The following NOD1 variants were observed in gnomAD, a reference collection of about 807,000 sequenced individuals.
NOD1 encodes nucleotide binding oligomerization domain containing 1.
In NOD1, 70 loss-of-function variants were observed where a neutral mutation model predicts 81.2. The observed-to-expected ratio is 0.86, with a 90% CI of 0.71 to 1.05. NOD1 has a LOEUF of 1.05. NOD1 is among the 50% of genes least tolerant of loss of function. The pLI is 0.00. For synonymous variants in NOD1, 508 were observed against 526.9 expected (o/e 0.96, Z 0.49); for missense variants, 1,233 against 1,228.0 (o/e 1.00, Z -0.06).
intron 3 of NOD1, among the ~76,000 whole-genome samples, chr7:30,458,740 CT>C (rs11430536): frequency 2.0e-3 from 282 of 139,676 alleles, no homozygotes; most frequent in Admixed American, 2.3e-3. Context: ...CCAGCCTTTT[CT>C]TTTTTTTTTT....
At chr7:30,429,711 G>A (rs546982583) in intron 12 of NOD1, among the ~76,000 whole-genome samples, 7 of 152,292 alleles carry the variant, frequency 4.6e-5, no homozygotes, top group Admixed American at 2.0e-4. Context: ...GTGTGTGTTT[G>A]CATTTTTCAC....
intron 1 of NOD1, among the ~76,000 whole-genome samples, chr7:30,462,990 A>G (rs1787288275): frequency 6.6e-6 from 1 of 151,526 alleles, no homozygotes; most frequent in African/African-American, 2.4e-5. Flanking sequence ...GATTCTGAAA[A>G]TCTGATCTAG....
chr7:30,429,466 A>C lies in NOD1; in HGVS notation c.2706-9T>G. 9 of 1,612,438 alleles carry C rather than the reference A, an allele frequency of 5.6e-6. No individual in the cohort carries two copies. Among genetic ancestry groups the C allele is most frequent in the Non-Finnish European group, 7.6e-6 (9 of 1,178,446 alleles). The stretch of plus-strand genomic sequence containing the variant: ...TCTGATTCTGGATAAGCCTGAAAGA[A>C]GAACATAACTTGTATAAAATCCATA... On this transcript the variant is annotated splice_polypyrimidine_tract_variant and intron_variant, in intron 12 of 13. Coordinates refer to ENST00000222823, the MANE Select transcript of NOD1 (RefSeq NM_006092.4).
At chr7:30,428,073 TC>T (rs1761584844) in intron 13 of NOD1, among the ~76,000 whole-genome samples, 1 of 152,166 alleles carries the variant, frequency 6.6e-6, no homozygotes, top group Non-Finnish European at 1.5e-5. Flanking sequence ...ATGGTGTTTT[TC>T]TTTTTTTCTT....
At position 30,451,879 on chromosome 7, in the gene NOD1, T is replaced by A. The variant is rs761405737; in HGVS notation, c.1538A>T (p.Tyr513Phe). 7.4e-6 allele frequency: 12 copies of A among 1,613,592 alleles called. No individual in the cohort carries two copies. Among genetic ancestry groups the A allele is most frequent in the Non-Finnish European group, 1.0e-5 (12 of 1,179,984 alleles). Residue 513 changes from tyrosine to phenylalanine, a missense_variant, in exon 6 of 14, where the codon TAT becomes TTT. Coordinates refer to ENST00000222823, the MANE Select transcript of NOD1 (RefSeq NM_006092.4). The surrounding 1 kb of genome is among the most constrained non-coding windows in gnomAD (Gnocchi z 4.2). ...ELGPGGDQQS[Y>F]EFFHLTLQAF... The stretch of plus-strand genomic sequence containing the variant: ...CTGGAGGGTGAGGTGGAAAAACTCA[T>A]AGGACTGCTGGTCACCCCCGGGGCC...
In NOD1 at chr7:30,455,278, C is replaced by G; in HGVS notation, c.235G>C (p.Gly79Arg). The G allele has an allele frequency of 1.9e-6, 3 of 1,614,122 alleles. No individual in the cohort carries two copies. Among genetic ancestry groups the G allele is most frequent in the Non-Finnish European group, 2.5e-6 (3 of 1,180,024 alleles). ...RKILDLVQSK[G>R]EEVSEFFLYL... Reference sequence around the variant, plus strand: ...AGGAAGAACTCGGACACCTCCTCGCCCTTGCTCTGTACCAGGTCCAGAATT... The same window carrying G: ...AGGAAGAACTCGGACACCTCCTCGCGCTTGCTCTGTACCAGGTCCAGAATT... The change falls in exon 5 of 14, where the codon GGC becomes CGC. Residue 79 changes from glycine (G) to arginine (R), a missense_variant. Coordinates refer to ENST00000222823, the MANE Select transcript of NOD1 (RefSeq NM_006092.4).
chr7:30,459,446 A>T (rs1031932731), intron 2 of NOD1, among the ~76,000 whole-genome samples: 8 of 152,186 alleles, frequency 5.3e-5, no homozygotes, highest in African/African-American at 1.7e-4. Flanking sequence ...ATTGAGTCAC[A>T]CCTGTCCTTT....
intron 1 of NOD1, chr7:30,460,335 T>C (rs1050073469): frequency 1.0e-6 from 1 of 985,272 alleles, no homozygotes; most frequent in Non-Finnish European, 1.2e-6. Flanking sequence ...TGGGGGGCAA[T>C]CCTTTCCTTT....
intron 1 of NOD1, among the ~76,000 whole-genome samples, chr7:30,474,726 A>G (rs1788606418): frequency 6.6e-6 from 1 of 152,206 alleles, no homozygotes; most frequent in Non-Finnish European, 1.5e-5. Flanking sequence ...GTATTGGTCC[A>G]TGGCCTAGGG....
chr7:30,477,068 A>G (rs933537568), intron 1 of NOD1, among the ~76,000 whole-genome samples: 3 of 149,912 alleles, frequency 2.0e-5, no homozygotes, highest in African/African-American at 7.6e-5. Flanking sequence ...GTGGGAAAAC[A>G]GGGGCTTGGA....
intron 3 of NOD1, among the ~76,000 whole-genome samples, chr7:30,458,861 C>T (rs1279531854): frequency 1.3e-5 from 2 of 151,946 alleles, no homozygotes; most frequent in Admixed American, 6.6e-5. Flanking sequence ...ATCAGCCACC[C>T]GAGTAGCTAG....
rs991066686 is a variant in NOD1 at position 30,453,170 on chromosome 7, C to T, written c.377-130G>A. ...TTCACAACCTGGGCCCTGAGGCCAG[C>T]GCAGCCACTCCTCAGATGCAGGACC... On this transcript the variant is annotated intron_variant, in intron 5 of 13. Transcript: ENST00000222823. The T allele has an allele frequency of 8.6e-6, 8 of 925,088 alleles. No individual in the cohort carries two copies. In the South Asian group the frequency reaches 8.7e-5, roughly 10 times the overall value. 57.3% of individuals were successfully genotyped at this position (925,088 alleles called of 1,614,324 possible).
chr7:30,455,392 G>A lies in NOD1; in HGVS notation c.202-81C>T, dbSNP rs1362502977. 4 of 1,180,754 alleles carry A rather than the reference G, an allele frequency of 3.4e-6. No individual in the cohort carries two copies. The Admixed American group carries it at 7.9e-5, about 23-fold the overall frequency. 73.1% of individuals were successfully genotyped at this position (1,180,754 alleles called of 1,614,324 possible). A position where few individuals can be genotyped will look rare whatever the true frequency, so the allele number is the denominator to read the frequency against. ...ATAAGGACCCTCAGGCAGGCTCAGG[G>A]CAGGGCTCTGAGTTCTTAGTACAGC... On this transcript the variant is annotated intron_variant, in intron 4 of 13. Coordinates refer to ENST00000222823, the MANE Select transcript of NOD1 (RefSeq NM_006092.4).
intron 13 of NOD1, 73 bp downstream of exon 13, chr7:30,429,301 G>A (rs993045259): frequency 1.5e-6 from 2 of 1,292,914 alleles, no homozygotes; most frequent in Non-Finnish European, 2.3e-6. Flanking sequence ...ACCCTGCGTT[G>A]TGCCTTGCAC....
intron 7 of NOD1, chr7:30,448,021 A>T (rs1785287603): frequency 2.4e-6 from 1 of 410,874 alleles, no homozygotes; most frequent in Non-Finnish European, 4.4e-6. Context: ...TATTAAATAT[A>T]TCCCCTTATA....
intron 1 of NOD1, among the ~76,000 whole-genome samples, chr7:30,470,997 A>G (rs894283765): frequency 1.3e-5 from 2 of 151,558 alleles, no homozygotes; most frequent in Admixed American, 1.3e-4. Flanking sequence ...AGTGAAAAGC[A>G]CTCCACAAGA....
intron 6 of NOD1, among the ~76,000 whole-genome samples, chr7:30,450,435 T>G (rs528333604): frequency 1.3e-5 from 2 of 152,136 alleles, no homozygotes; most frequent in African/African-American, 4.8e-5. Flanking sequence ...AATGCATGAG[T>G]CAAGTAATGG....
chr7:30,451,656 G>A lies in NOD1; in HGVS notation c.1761C>T (p.Phe587=), dbSNP rs1370431402. The A allele has an allele frequency of 1.9e-6, 3 of 1,613,856 alleles. No individual in the cohort carries two copies. Among genetic ancestry groups the A allele is most frequent in the Non-Finnish European group, 2.5e-6 (3 of 1,180,046 alleles). ...DLFKNKDHFQ[F]TNLFLCGLLS... ...ACAGCCCGCACAGGAAGAGGTTGGTGAACTGGAAGTGATCCTTGTTCTTGA... is the reference window on the plus strand; with the variant it reads ...ACAGCCCGCACAGGAAGAGGTTGGTAAACTGGAAGTGATCCTTGTTCTTGA... The change falls in exon 6 of 14, where the codon TTC becomes TTT. Residue 587 remains phenylalanine (F), a synonymous_variant. Coordinates refer to ENST00000222823, the MANE Select transcript of NOD1 (RefSeq NM_006092.4). This position sits in a 1 kb window ranked among gnomAD's most constrained non-coding sequence, Gnocchi z 4.2.
chr7:30,476,781 T>C (rs1267862030), intron 1 of NOD1, among the ~76,000 whole-genome samples: 1 of 152,176 alleles, frequency 6.6e-6, no homozygotes, highest in Admixed American at 6.5e-5. Flanking sequence ...ACTGAGGGGA[T>C]TTGCAGCCTA....
Sources: gnomAD v4.1 joint callset for allele counts (sites outside exome capture counted in the v4.1 genomes callset) on GRCh38, gnomAD v4.1.1 for gene constraint, Gnocchi (gnomAD v3.1) non-coding constraint, MANE v1.5 for transcripts, NCBI Gene and HGNC (gene_info 2026-07-23, HGNC 2026-07-21) for gene names.